The following PRCP variants were observed in gnomAD, a reference collection of about 807,000 sequenced individuals.
PRCP encodes lysosomal Pro-X carboxypeptidase.
PRCP carries 46 observed loss-of-function variants against 54.2 expected under a neutral mutation model. That is an observed-to-expected ratio of 0.85 (90% CI 0.67 to 1.09). The LOEUF (loss-of-function observed/expected upper bound fraction) is 1.09, where lower values mean the gene tolerates loss of function less well. PRCP is among the 50% of genes least tolerant of loss of function. The pLI is 0.00. For synonymous variants in PRCP, 240 were observed against 212.2 expected (o/e 1.13, Z -1.14); for missense variants, 613 against 596.8 (o/e 1.03, Z -0.28).
chr11:82,824,686 G>T lies in PRCP; in HGVS notation c.*220C>A. 1 of 533,574 alleles carries T rather than the reference G, an allele frequency of 1.9e-6. No homozygotes were observed. The highest frequency in any genetic ancestry group is 3.5e-5 in the East Asian group (1 of 28,688). 33.1% of individuals were successfully genotyped at this position (533,574 alleles called of 1,614,324 possible). A position where few individuals can be genotyped will look rare whatever the true frequency, so the allele number is the denominator to read the frequency against. ...ACTGATGGTGTGGGAGAGCTATCAA[G>T]AAGATTCTTCCTAGACGTGGTGCAA... On this transcript the variant is annotated 3_prime_UTR_variant, in exon 9 of 9. Coordinates refer to ENST00000313010, the MANE Select transcript of PRCP (RefSeq NM_005040.4).
At chr11:82,885,599 G>A (rs1293328820) in intron 1 of PRCP, among the ~76,000 whole-genome samples, 1 of 152,046 alleles carries the variant, frequency 6.6e-6, no homozygotes, top group East Asian at 1.9e-4. Context: ...CAGTCTCCAG[G>A]CTTTTAAAGA....
In PRCP at chr11:82,829,528, A is replaced by G. The variant is rs1858326360; in HGVS notation, c.1275-4406T>C. 2.0e-5 allele frequency: 3 copies of G among 152,150 alleles called. No homozygotes were observed. The South Asian group carries it at 6.2e-4, about 32-fold the overall frequency. 9.4% of individuals were successfully genotyped at this position (152,150 alleles called of 1,614,324 possible). ...GAAGTCTTCCCTGGTCACTCTAATAAAAAATTTCAACTGTTTTCCCTCCCT... is the reference window on the plus strand; with the variant it reads ...GAAGTCTTCCCTGGTCACTCTAATAGAAAATTTCAACTGTTTTCCCTCCCT... On this transcript the variant is annotated intron_variant, in intron 8 of 8. Transcript: ENST00000313010.
intron 8 of PRCP, chr11:82,830,828 C>T (rs1258688623): frequency 2.0e-5 from 3 of 151,396 alleles, no homozygotes; most frequent in Non-Finnish European, 4.4e-5. Flanking sequence ...ATTGACAAGC[C>T]CAACCCAGAT....
intron 1 of PRCP, among the ~76,000 whole-genome samples, chr11:82,894,655 C>A (rs1234065122): frequency 6.6e-6 from 1 of 152,212 alleles, no homozygotes; most frequent in East Asian, 1.9e-4. Flanking sequence ...AGTCTAAATT[C>A]TCTAAAGCAC....
chr11:82,879,358 T>C (rs1025343899), intron 1 of PRCP, among the ~76,000 whole-genome samples: 1 of 152,232 alleles, frequency 6.6e-6, no homozygotes, highest in African/African-American at 2.4e-5. Flanking sequence ...GTAGTTCTCG[T>C]GCCATGGTTT....
chr11:82,881,031 T>C (rs1859737967), intron 1 of PRCP, among the ~76,000 whole-genome samples: 1 of 152,198 alleles, frequency 6.6e-6, no homozygotes, highest in Non-Finnish European at 1.5e-5. Context: ...TTTATACTCA[T>C]AGTAAAGGCT....
chr11:82,892,532 A>G (rs988681280), intron 1 of PRCP, among the ~76,000 whole-genome samples: 6 of 152,216 alleles, frequency 3.9e-5, no homozygotes, highest in Non-Finnish European at 8.8e-5. Flanking sequence ...ACACTTACCA[A>G]AGCACACTTA....
At chr11:82,889,403 AAGG>A (rs1859947434) in intron 1 of PRCP, among the ~76,000 whole-genome samples, 1 of 151,520 alleles carries the variant, frequency 6.6e-6, no homozygotes, top group Non-Finnish European at 1.5e-5. Flanking sequence ...GAAGAAGAAG[AAGG>A]AGAAGGAGGA....
chr11:82,867,596 A>G (rs955281998), intron 1 of PRCP, among the ~76,000 whole-genome samples: 2 of 152,262 alleles, frequency 1.3e-5, no homozygotes, highest in Non-Finnish European at 2.9e-5. Flanking sequence ...ACCGGGCCAC[A>G]GCTCAAGCTC....
chr11:82,879,884 C>G (rs1565233243), intron 1 of PRCP, among the ~76,000 whole-genome samples: 1 of 152,196 alleles, frequency 6.6e-6, no homozygotes, highest in Non-Finnish European at 1.5e-5. Context: ...GCTGCCTGAT[C>G]CTTCCTCTGG....
In PRCP at chr11:82,838,570, C is replaced by T; in HGVS notation, c.1091G>A (p.Cys364Tyr). The T allele has an allele frequency of 6.2e-7, 1 of 1,611,544 alleles. No individual in the cohort carries two copies. The highest frequency in any genetic ancestry group is 1.1e-5 in the South Asian group (1 of 90,396). ...ACAAAAGGGCATGACTACTTCTGTG[C>T]AGGCCTAAGAAGCAAACCAAGAGAG... ...LGTLGWSYQA[C>Y]TEVVMPFCTN... The change falls in exon 8 of 9, where the codon TGC becomes TAC. Residue 364 changes from cysteine to tyrosine, a missense_variant. Cys to Tyr is a radical substitution (Grantham distance 194, BLOSUM62 -2). Transcript: ENST00000313010.
At chr11:82,858,454 G>GCCAA (rs1859139654) in intron 2 of PRCP, 2 of 152,208 alleles carry the variant, frequency 1.3e-5, no homozygotes, top group African/African-American at 4.8e-5. Context: ...CTGCGGATGG[G>GCCAA]CCAGGATCTG....
chr11:82,855,339 C>T (rs946644421), intron 2 of PRCP, among the ~76,000 whole-genome samples: 2 of 152,140 alleles, frequency 1.3e-5, no homozygotes, highest in South Asian at 4.2e-4. Context: ...AAGAAAAGGG[C>T]CGGGCATGGT....
chr11:82,835,541 T>A (rs1440431445), intron 8 of PRCP: 24 of 292,582 alleles, frequency 8.2e-5, no homozygotes, highest in Non-Finnish European at 1.5e-4. Context: ...TTGGTCCTAC[T>A]ATGAGCAAGA....
chr11:82,828,265 G>T (rs376852338), intron 8 of PRCP: 1 of 152,124 alleles, frequency 6.6e-6, no homozygotes, highest in Non-Finnish European at 1.5e-5. Context: ...GCATTTCAGC[G>T]GAACCATGAC....
At chr11:82,853,351 A>C in intron 2 of PRCP, 73 bp from the exon 3 acceptor site, 1 of 1,256,506 alleles carries the variant, frequency 8.0e-7, no homozygotes, top group South Asian at 1.3e-5. Context: ...TTGGCAAACC[A>C]TATGGAATAG....
At chr11:82,862,075 T>TCAAAAAAAAAAATC (rs1264258905) in intron 1 of PRCP, among the ~76,000 whole-genome samples, 13 of 142,430 alleles carry the variant, frequency 9.1e-5, no homozygotes, top group African/African-American at 3.6e-4. Context: ...TATTACAAAA[T>TCAAAAAAAAAAATC]CAAAAAAAAA....
upstream of PRCP, chr11:82,900,472 C>T: frequency 6.6e-7 from 1 of 1,521,468 alleles, no homozygotes; most frequent in Non-Finnish European, 8.8e-7. Flanking sequence ...ACAGGCTAAG[C>T]CCTGCCCAGC....
chr11:82,882,247 G>A (rs1246571824), intron 1 of PRCP, among the ~76,000 whole-genome samples: 2 of 152,130 alleles, frequency 1.3e-5, no homozygotes, highest in South Asian at 2.1e-4. Flanking sequence ...AAGTGGACAC[G>A]TGCAGTTCAA....
Sources: allele counts gnomAD v4.1 joint callset (sites outside exome capture counted in the v4.1 genomes callset), GRCh38; gene constraint gnomAD v4.1.1; transcripts MANE v1.5; gene names NCBI Gene and HGNC (gene_info 2026-07-23, HGNC 2026-07-21).